Variants in TTC9 observed in about 807,000 individuals in gnomAD.
TTC9 encodes the protein tetratricopeptide repeat domain 9.
Under a neutral mutation model 22.9 loss-of-function variants are expected in TTC9, and 13 were observed. That is an observed-to-expected ratio of 0.57 (90% CI 0.37 to 0.90). The LOEUF is 0.90. TTC9 is among the 40% of genes least tolerant of loss of function. TTC9 has a pLI of 0.01. For missense variants in TTC9, 280 were observed against 291.8 expected (o/e 0.96, Z 0.29); for synonymous variants, 148 against 133.2 (o/e 1.11, Z -0.77).
intron 1 of TTC9, 80 bp downstream of exon 1, chr14:70,642,615 G>A (rs1208257613): frequency 3.0e-6 from 4 of 1,343,196 alleles, no homozygotes; most frequent in South Asian, 1.4e-5. Context: ...GCGCTCCCGC[G>A]GTGCAGATTC....
intron 1 of TTC9, among the ~76,000 whole-genome samples, chr14:70,660,423 C>T (rs1886129562): frequency 6.6e-6 from 1 of 152,190 alleles, no homozygotes; most frequent in Non-Finnish European, 1.5e-5. Flanking sequence ...AAATTTTCTC[C>T]AATTCATGTA....
At chr14:70,670,276 AAGGATACATACCTTGCGGGATTGTATTG>A (rs1462688543) in intron 2 of TTC9, among the ~76,000 whole-genome samples, 1 of 152,176 alleles carries the variant, frequency 6.6e-6, no homozygotes, top group Non-Finnish European at 1.5e-5. Flanking sequence ...CAGTGAGGAG[AAGGATACATACCTTGCGGGATTGTATTG>A]AGGATTAAAT....
intron 1 of TTC9, among the ~76,000 whole-genome samples, chr14:70,649,196 A>G (rs1032458732): frequency 1.3e-5 from 2 of 152,220 alleles, no homozygotes; most frequent in Non-Finnish European, 2.9e-5. Context: ...CAACTATAAT[A>G]ATAATGGTAT....
chr14:70,671,213 T>C lies in TTC9; in HGVS notation c.*58T>C. ...TGACCGGGGACTTCCAGGCATCCCC[T>C]GGCAGAGAGCCCCGTCCTGGATTCT... On this transcript the variant is annotated 3_prime_UTR_variant, in exon 3 of 3. Transcript: ENST00000256367. 1 of 1,459,982 alleles carries C rather than the reference T, an allele frequency of 6.8e-7. No individual in the cohort carries two copies. Among genetic ancestry groups the C allele is most frequent in the Non-Finnish European group, 9.6e-7 (1 of 1,046,578 alleles). The allele number at this position is 1,459,982 out of a possible 1,614,324, so 90.4% of individuals were successfully genotyped here. A position where few individuals can be genotyped will look rare whatever the true frequency, so the allele number is the denominator to read the frequency against.
In TTC9 at chr14:70,642,477, G is replaced by T. The variant is rs2139635598; in HGVS notation, c.348G>T (p.Ser116=). ...PAGALKPGRL[S]EEQSKTVEAI... ...GGGCCCTGAAGCCCGGCCGCCTCTCGGAGGAGCAGAGCAAGACGGTGGAAG... is the reference window on the plus strand; with the variant it reads ...GGGCCCTGAAGCCCGGCCGCCTCTCTGAGGAGCAGAGCAAGACGGTGGAAG... The change falls in exon 1 of 3, where the codon TCG becomes TCT. Residue 116 remains serine (S), a synonymous_variant. Coordinates refer to ENST00000256367, the MANE Select transcript of TTC9 (RefSeq NM_015351.2). 2 of 1,549,900 alleles carry T rather than the reference G, an allele frequency of 1.3e-6. No individual in the cohort carries two copies. Among genetic ancestry groups the T allele is most frequent in the Non-Finnish European group, 1.7e-6 (2 of 1,147,334 alleles).
At chr14:70,642,576 T>G (rs1205185579) in intron 1 of TTC9, 41 bp downstream of exon 1, 5 of 1,463,424 alleles carry the variant, frequency 3.4e-6, no homozygotes, top group South Asian at 2.5e-5. Context: ...TCCCCGTTCT[T>G]CGGCCCGGTC....
In TTC9 at chr14:70,641,921, A is replaced by AGGC. The variant is rs372979473; in HGVS notation, c.-193_-191dup. 0.14 allele frequency: 24,933 copies of AGGC among 181,942 alleles called. 1,949 individuals are homozygous for AGGC. The highest frequency in any genetic ancestry group is 0.15 in the Admixed American group (2,312 of 15,430). The allele number at this position is 181,942 out of a possible 1,614,324, so 11.3% of individuals were successfully genotyped here. A position where few individuals can be genotyped will look rare whatever the true frequency, so the allele number is the denominator to read the frequency against. ...GAGGCGGGGGAGGGGCCGGCGTCCG[A>AGGC]GGCGGCGGCGGCGGCGGCTGGAGCA... On this transcript the variant is annotated 5_prime_UTR_variant, in exon 1 of 3. Coordinates refer to ENST00000256367, the MANE Select transcript of TTC9 (RefSeq NM_015351.2).
At chr14:70,662,938 A>G (rs974669513) in intron 1 of TTC9, among the ~76,000 whole-genome samples, 1 of 152,216 alleles carries the variant, frequency 6.6e-6, no homozygotes, top group Non-Finnish European at 1.5e-5. Flanking sequence ...CTACCTTGCA[A>G]ATGTGGACAG....
chr14:70,657,951 G>A (rs191058674), intron 1 of TTC9, among the ~76,000 whole-genome samples: 9 of 152,298 alleles, frequency 5.9e-5, no homozygotes, highest in Admixed American at 2.6e-4. Context: ...GGGCGACAGA[G>A]CGAGACTCCA....
At chr14:70,664,884 C>A (rs1049284180) in intron 1 of TTC9, among the ~76,000 whole-genome samples, 10 of 152,166 alleles carry the variant, frequency 6.6e-5, no homozygotes, top group Non-Finnish European at 1.5e-4. Context: ...TCCCTTGCCT[C>A]CCCCAAAGTC....
rs536435274 is a variant in TTC9 at position 70,642,268 on chromosome 14, GCGGCCGAGC to G, written c.149_157del (p.Pro50_Glu52del). 4 of 1,499,548 alleles carry G rather than the reference GCGGCCGAGC, an allele frequency of 2.7e-6. No individual in the cohort carries two copies. The highest frequency in any genetic ancestry group is 1.3e-5 in the South Asian group (1 of 79,338). 92.9% of individuals were successfully genotyped at this position (1,499,548 alleles called of 1,614,324 possible). On this transcript the variant is annotated inframe_deletion, in exon 1 of 3. Coordinates refer to ENST00000256367, the MANE Select transcript of TTC9 (RefSeq NM_015351.2). Reference sequence around the variant, plus strand: ...CCCAGCGAGGGGCCAGGTCGGGGCGGCGGCCGAGCCGGCCGAGCTCATCCGACGAGCGCA... The same window carrying G: ...CCCAGCGAGGGGCCAGGTCGGGGCGGCGGCCGAGCTCATCCGACGAGCGCA...
At chr14:70,667,080 GCCTCAGGCATT>G (rs1242539352) in intron 1 of TTC9, among the ~76,000 whole-genome samples, 1 of 152,226 alleles carries the variant, frequency 6.6e-6, no homozygotes, top group East Asian at 1.9e-4. Context: ...GGTTCTGGTA[GCCTCAGGCATT>G]CCTTGGCTTA....
intron 1 of TTC9, among the ~76,000 whole-genome samples, chr14:70,663,007 A>T (rs1261509114): frequency 6.6e-6 from 1 of 152,188 alleles, no homozygotes; most frequent in Admixed American, 6.5e-5. Context: ...CCTGGATGCC[A>T]CTTACATTGA....
At position 70,674,538 on chromosome 14, in the gene TTC9, A is replaced by G. The variant is rs932615733; in HGVS notation, c.*3383A>G. 1.1e-4 allele frequency: 17 copies of G among 152,362 alleles called. No individual in the cohort carries two copies. The highest frequency in any genetic ancestry group is 2.4e-4 in the African/African-American group (10 of 41,590). 9.4% of individuals were successfully genotyped at this position (152,362 alleles called of 1,614,324 possible). A position where few individuals can be genotyped will look rare whatever the true frequency, so the allele number is the denominator to read the frequency against. On this transcript the variant is annotated 3_prime_UTR_variant, in exon 3 of 3. Transcript: ENST00000256367. ...GTAATCCTACACAGATACAAAATTC[A>G]AAAAGTACAAACTGCTCTGTAGTCA...
At position 70,674,119 on chromosome 14, in the gene TTC9, A is replaced by AT. The variant is rs1216004683; in HGVS notation, c.*2965dup. ...CCAAATCTTCAGCTTCCTTCTCCTC[A>AT]TCCCTCCCCAAAACAAGAACTGTGA... is the stretch of plus-strand genomic sequence containing the variant. On this transcript the variant is annotated 3_prime_UTR_variant, in exon 3 of 3. Coordinates refer to ENST00000256367, the MANE Select transcript of TTC9 (RefSeq NM_015351.2). 5 of 152,072 alleles carry AT rather than the reference A, an allele frequency of 3.3e-5. No individual in the cohort carries two copies. The highest frequency in any genetic ancestry group is 1.2e-4 in the African/African-American group (5 of 41,406). The allele number at this position is 152,072 out of a possible 1,614,324, so 9.4% of individuals were successfully genotyped here.
intron 1 of TTC9, among the ~76,000 whole-genome samples, chr14:70,660,426 T>C (rs989559735): frequency 6.6e-5 from 10 of 152,266 alleles, no homozygotes; most frequent in African/African-American, 2.4e-4. Flanking sequence ...TTTTCTCCAA[T>C]TCATGTACAC....
intron 1 of TTC9, among the ~76,000 whole-genome samples, chr14:70,659,360 A>C (rs1291976592): frequency 6.6e-6 from 1 of 152,192 alleles, no homozygotes; most frequent in Non-Finnish European, 1.5e-5. Flanking sequence ...TAAAAGTTTC[A>C]AGTAAAAAAT....
intron 1 of TTC9, among the ~76,000 whole-genome samples, chr14:70,649,416 C>T (rs1053776184): frequency 2.6e-5 from 4 of 152,026 alleles, no homozygotes; most frequent in Admixed American, 6.6e-5. Context: ...ATATGAAGGA[C>T]AAGATCCCCG....
intron 1 of TTC9, among the ~76,000 whole-genome samples, chr14:70,666,614 G>C (rs1437295630): frequency 6.6e-6 from 1 of 152,106 alleles, no homozygotes; most frequent in African/African-American, 2.4e-5. Flanking sequence ...AACTAGATTA[G>C]GAAGGACTTG....
Sources: allele counts gnomAD v4.1 joint callset (sites outside exome capture counted in the v4.1 genomes callset), GRCh38; gene constraint gnomAD v4.1.1; transcripts MANE v1.5; gene names NCBI Gene and HGNC (gene_info 2026-07-23, HGNC 2026-07-21).